Variants in SCAI observed in about 807,000 individuals in gnomAD.
SCAI encodes protein SCAI.
A neutral mutation model predicts 92.2 loss-of-function variants in SCAI; 24 were observed. The ratio of observed to expected loss-of-function variants is 0.26; its 90% CI spans 0.19 to 0.37. SCAI has a LOEUF of 0.37. SCAI is among the 10% of genes least tolerant of loss of function. SCAI has a pLI of 1.00. For missense variants in SCAI, 450 were observed against 736.2 expected (o/e 0.61, Z 4.50); for synonymous variants, 261 against 258.6 (o/e 1.01, Z -0.09).
At chr9:125,113,930 C>A (rs1374459115) in intron 2 of SCAI, among the ~76,000 whole-genome samples, 3 of 152,152 alleles carry the variant, frequency 2.0e-5, no homozygotes, top group Non-Finnish European at 4.4e-5. Flanking sequence ...CCATTGCACT[C>A]TAGCCTGGGC....
intron 17 of SCAI, among the ~76,000 whole-genome samples, chr9:124,959,712 T>C (rs1831402563): frequency 1.0e-5 from 1 of 98,716 alleles, no homozygotes; most frequent in South Asian, 3.7e-4. Flanking sequence ...TAGGCCCCGA[T>C]GTGTGATGTT....
chr9:125,075,564 A>ATTT (rs573518384), intron 2 of SCAI, among the ~76,000 whole-genome samples: 1 of 130,022 alleles, frequency 7.7e-6, no homozygotes, highest in Non-Finnish European at 1.7e-5. Context: ...CGTCCAGCTA[A>ATTT]TTTTTTTTTT....
chr9:125,012,429 T>C (rs901690637), intron 9 of SCAI, among the ~76,000 whole-genome samples: 38 of 152,096 alleles, frequency 2.5e-4, no homozygotes, highest in African/African-American at 8.7e-4. Flanking sequence ...TCAAAAGAGA[T>C]AAAGAAGGCC....
chr9:125,011,747 G>A (rs1240266178), intron 9 of SCAI, among the ~76,000 whole-genome samples: 1 of 152,196 alleles, frequency 6.6e-6, no homozygotes, highest in East Asian at 1.9e-4. Context: ...CACCAAAGTT[G>A]AAATGAAGGA....
intron 2 of SCAI, among the ~76,000 whole-genome samples, chr9:125,090,301 G>C (rs1382379141): frequency 6.6e-6 from 1 of 152,144 alleles, no homozygotes; most frequent in African/African-American, 2.4e-5. Context: ...GGAGGAGGTA[G>C]ATAAGAAGAA....
Position 124,994,934 on chromosome 9 carries a change from C to T in SCAI, c.1326G>A (p.Lys442=), listed in dbSNP as rs902123329. 1 of 1,610,128 alleles carries T rather than the reference C, an allele frequency of 6.2e-7. No individual in the cohort carries two copies. Among genetic ancestry groups the T allele is most frequent in the African/African-American group, 1.3e-5 (1 of 74,962 alleles). ...GTGCAATAGCTCTCATGGAACTCAC[C>T]TTATACGCAACACTATTAGACGAAT... ...IVDSSNSVAY[K]NFTNLFGQPL... The change falls in exon 14 of 18, where the codon AAG becomes AAA. Residue 442 remains lysine (K), a splice_region_variant and synonymous_variant. Transcript: ENST00000336505.
At chr9:125,054,192 C>T (rs1353428882) in intron 3 of SCAI, among the ~76,000 whole-genome samples, 2 of 152,186 alleles carry the variant, frequency 1.3e-5, no homozygotes, top group Non-Finnish European at 2.9e-5. Flanking sequence ...CCAGGCTGAT[C>T]TCAAACTCCT....
At chr9:125,072,983 G>A (rs1455119327) in intron 2 of SCAI, among the ~76,000 whole-genome samples, 1 of 151,108 alleles carries the variant, frequency 6.6e-6, no homozygotes, top group Non-Finnish European at 1.5e-5. Flanking sequence ...TGTGAATAAT[G>A]CTGCTATGAA....
intron 12 of SCAI, 65 bp from the exon 13 acceptor site, chr9:125,000,055 T>C: frequency 1.5e-6 from 1 of 673,186 alleles, no homozygotes; most frequent in African/African-American, 1.9e-5. Flanking sequence ...GATGTTCAAA[T>C]ACAAAGGTAC....
chr9:124,986,743 CAA>C, intron 14 of SCAI, among the ~76,000 whole-genome samples: 2 of 152,240 alleles, frequency 1.3e-5, no homozygotes, highest in East Asian at 1.9e-4. Context: ...ACAGCAAAAA[CAA>C]AAAGGTCTTT....
intron 9 of SCAI, among the ~76,000 whole-genome samples, chr9:125,008,398 A>G (rs964855180): frequency 4.6e-5 from 7 of 152,150 alleles, no homozygotes; most frequent in African/African-American, 9.7e-5. Flanking sequence ...AGGCCTCCCA[A>G]AGTAATGGGA....
At chr9:125,059,198 T>C (rs938041187) in intron 2 of SCAI, among the ~76,000 whole-genome samples, 1 of 152,202 alleles carries the variant, frequency 6.6e-6, no homozygotes, top group Admixed American at 6.5e-5. Context: ...AGAAGTACTG[T>C]TCCTGTCAAA....
intron 3 of SCAI, among the ~76,000 whole-genome samples, chr9:125,040,792 ATT>A (rs57170806): frequency 2.1e-5 from 3 of 142,780 alleles, no homozygotes; most frequent in Non-Finnish European, 3.1e-5. Flanking sequence ...TGTCCAATTA[ATT>A]TTTTTTTTTT....
At chr9:125,096,603 T>C (rs1406908013) in intron 2 of SCAI, among the ~76,000 whole-genome samples, 1 of 152,220 alleles carries the variant, frequency 6.6e-6, no homozygotes, top group Non-Finnish European at 1.5e-5. Context: ...CAGCCTCCTC[T>C]TCCTGTCCCC....
chr9:124,968,649 G>A, intron 17 of SCAI: 1 of 1,046,524 alleles, frequency 9.6e-7, no homozygotes, highest in Non-Finnish European at 1.5e-6. Flanking sequence ...TTCATAGGTG[G>A]TCTCATCTAC....
At chr9:125,040,531 T>G (rs1186552922) in intron 3 of SCAI, among the ~76,000 whole-genome samples, 1 of 152,242 alleles carries the variant, frequency 6.6e-6, no homozygotes, top group Non-Finnish European at 1.5e-5. Flanking sequence ...ATATCAATAT[T>G]TACTGTGTAC....
intron 2 of SCAI, among the ~76,000 whole-genome samples, chr9:125,099,936 A>G (rs573493784): frequency 2.5e-4 from 38 of 152,252 alleles, no homozygotes; most frequent in Non-Finnish European, 5.1e-4. Flanking sequence ...CTGTCCATCT[A>G]TATCAATGGA....
chr9:125,139,999 G>T (rs1476260316), intron 2 of SCAI, among the ~76,000 whole-genome samples: 4 of 152,146 alleles, frequency 2.6e-5, no homozygotes, highest in Admixed American at 1.3e-4. Context: ...GGCCAAGGCT[G>T]GCGCATCACT....
intron 3 of SCAI, among the ~76,000 whole-genome samples, chr9:125,051,982 G>C (rs1833569548): frequency 6.6e-6 from 1 of 152,108 alleles, no homozygotes; most frequent in South Asian, 2.1e-4. Context: ...GGGAGGCAGA[G>C]GCTGCACTGA....
Sources: gnomAD v4.1 joint callset for allele counts (sites outside exome capture counted in the v4.1 genomes callset) on GRCh38, gnomAD v4.1.1 for gene constraint, MANE v1.5 for transcripts, NCBI Gene and HGNC (gene_info 2026-07-23, HGNC 2026-07-21) for gene names.